Variants in UGP2 observed in about 807,000 individuals in gnomAD.
UGP2 encodes the protein UTP--glucose-1-phosphate uridylyltransferase.
In UGP2, 40 loss-of-function variants were observed where a neutral mutation model predicts 49.0. That is an observed-to-expected ratio of 0.82 (90% CI 0.63 to 1.06). The LOEUF is 1.06. UGP2 is among the 50% of genes least tolerant of loss of function. The pLI, the probability that UGP2 is intolerant of heterozygous loss-of-function variation, is 0.00. For synonymous variants in UGP2, 225 were observed against 213.0 expected (o/e 1.06, Z -0.49); for missense variants, 460 against 603.5 (o/e 0.76, Z 2.49).
chr2:63,845,545 G>T (rs924222820), intron 1 of UGP2, among the ~76,000 whole-genome samples: 1 of 151,622 alleles, frequency 6.6e-6, no homozygotes, highest in African/African-American at 2.4e-5. Context: ...AAGTGCCGGG[G>T]TGGGGCAAGG....
chr2:63,866,720 T>C (rs542191126), intron 3 of UGP2, among the ~76,000 whole-genome samples: 103 of 152,214 alleles, frequency 6.8e-4, no homozygotes, highest in African/African-American at 2.3e-3. Flanking sequence ...AGGTGGGAAA[T>C]GAGGGTAGGC....
At chr2:63,874,881 C>T (rs537279645) in intron 3 of UGP2, among the ~76,000 whole-genome samples, 98 of 152,066 alleles carry the variant, frequency 6.4e-4, no homozygotes, top group Non-Finnish European at 7.5e-4. Context: ...TGGAAGATTC[C>T]GGAGGTGCTC....
At chr2:63,853,171 T>C (rs757376313) in intron 1 of UGP2, among the ~76,000 whole-genome samples, 11 of 152,020 alleles carry the variant, frequency 7.2e-5, no homozygotes, top group Admixed American at 3.9e-4. Context: ...AGAAAAGATA[T>C]AGGATACACT....
intron 3 of UGP2, chr2:63,862,768 A>G (rs1362329583): frequency 4.4e-6 from 2 of 454,048 alleles, no homozygotes; most frequent in Non-Finnish European, 8.8e-6. Flanking sequence ...TCCAATTCCA[A>G]TTTCCACCCC....
intron 1 of UGP2, 190 bp downstream of exon 1, chr2:63,842,394 G>T: frequency 1.3e-6 from 2 of 1,594,060 alleles, no homozygotes; most frequent in Non-Finnish European, 8.5e-7. Flanking sequence ...TATAATTTAT[G>T]CTCCTGTACC....
intron 1 of UGP2, among the ~76,000 whole-genome samples, chr2:63,848,390 G>A (rs1473762273): frequency 6.6e-6 from 1 of 152,176 alleles, no homozygotes; most frequent in African/African-American, 2.4e-5. Flanking sequence ...TTGAGACGGA[G>A]TCTTGCTCTG....
chr2:63,882,545 A>T lies in UGP2; in HGVS notation c.335A>T (p.Lys112Ile). The T allele has an allele frequency of 6.2e-7, 1 of 1,613,426 alleles. No homozygotes were observed. The highest frequency in any genetic ancestry group is 8.5e-7 in the Non-Finnish European group (1 of 1,179,482). Residue 112 changes from lysine to isoleucine, a missense_variant, in exon 4 of 10, where the codon AAA becomes ATA. By Grantham distance (102) the Lys-to-Ile change is moderately radical. This residue lies in a region of UGP2 where 143 missense variants were observed against 130.4 expected (regional missense o/e 1.10). Transcript: ENST00000337130. ...GTGTTGAACAAACTAGTGGTGGTGA[A>T]ACTCAATGGTGGTTTGGGAACCAGC... ...SSVLNKLVVVKLNGGLGTSMG... is the reference protein window; with the variant it reads ...SSVLNKLVVVILNGGLGTSMG...
intron 3 of UGP2, among the ~76,000 whole-genome samples, chr2:63,866,985 T>A (rs151215249): frequency 6.6e-6 from 1 of 152,238 alleles, no homozygotes; most frequent in African/African-American, 2.4e-5. Flanking sequence ...TTTACCTGTT[T>A]TTAAATTTTT....
intron 3 of UGP2, among the ~76,000 whole-genome samples, chr2:63,878,707 G>T (rs1011006330): frequency 6.6e-6 from 1 of 152,114 alleles, no homozygotes; most frequent in African/African-American, 2.4e-5. Context: ...GGGACTATAG[G>T]TGTGCACCAC....
chr2:63,851,754 A>G (rs140422888), intron 1 of UGP2, among the ~76,000 whole-genome samples: 1 of 152,300 alleles, frequency 6.6e-6, no homozygotes, highest in Non-Finnish European at 1.5e-5. Context: ...TTGGCTTTCA[A>G]AAATGAGGGT....
intron 3 of UGP2, among the ~76,000 whole-genome samples, chr2:63,870,294 T>C (rs917918722): frequency 2.6e-5 from 4 of 152,214 alleles, no homozygotes; most frequent in African/African-American, 9.6e-5. Flanking sequence ...GTACTTGATC[T>C]GATAGTTTGC....
intron 1 of UGP2, among the ~76,000 whole-genome samples, chr2:63,854,014 G>A (rs749003250): frequency 1.4e-4 from 21 of 152,144 alleles, no homozygotes; most frequent in Admixed American, 1.2e-3. Flanking sequence ...GGAGGAGAGT[G>A]TGGTATTTAG....
rs774619116 is a variant in UGP2, at chr2:63,856,442, G to A, written c.147+9G>A. ...CATCACATGAATTTGAGGTAAGGAG[G>A]TTTCTACAGTGTTCCACCCCCCCGC... On this transcript the variant is annotated intron_variant, in intron 2 of 9. Coordinates refer to ENST00000337130, the MANE Select transcript of UGP2 (RefSeq NM_006759.4). 12 of 1,607,844 alleles carry A rather than the reference G, an allele frequency of 7.5e-6. No individual in the cohort carries two copies. The highest frequency in any genetic ancestry group is 1.0e-5 in the Non-Finnish European group (12 of 1,179,322).
At chr2:63,849,493 T>C (rs1164777491) in intron 1 of UGP2, among the ~76,000 whole-genome samples, 2 of 152,230 alleles carry the variant, frequency 1.3e-5, no homozygotes, top group African/African-American at 2.4e-5. Context: ...GCCTTGGTAA[T>C]AAAATATTTA....
intron 3 of UGP2, among the ~76,000 whole-genome samples, chr2:63,858,636 A>G (rs1158696437): frequency 6.6e-6 from 1 of 152,116 alleles, no homozygotes; most frequent in Non-Finnish European, 1.5e-5. Context: ...AACAGTTACA[A>G]TATGCATTTT....
intron 1 of UGP2, among the ~76,000 whole-genome samples, chr2:63,849,369 AT>A (rs1166089674): frequency 6.6e-6 from 1 of 152,162 alleles, no homozygotes; most frequent in African/African-American, 2.4e-5. Context: ...GTAATATTTC[AT>A]TTGTGTTATA....
At chr2:63,860,440 C>T (rs1023343359) in intron 3 of UGP2, among the ~76,000 whole-genome samples, 1 of 152,100 alleles carries the variant, frequency 6.6e-6, no homozygotes, top group African/African-American at 2.4e-5. Flanking sequence ...TGTAACAAAA[C>T]CTGAAATACT....
intron 3 of UGP2, among the ~76,000 whole-genome samples, chr2:63,861,859 G>A (rs1407955272): frequency 6.6e-6 from 1 of 151,924 alleles, no homozygotes; most frequent in East Asian, 1.9e-4. Flanking sequence ...TGGATTTTTT[G>A]TTTTGTTCCA....
chr2:63,886,408 A>G lies in UGP2; in HGVS notation c.941A>G (p.His314Arg), dbSNP rs1307501598. The change falls in exon 7 of 10, where the codon CAT becomes CGT. Residue 314 changes from histidine to arginine, a missense_variant. By Grantham distance (29) the His-to-Arg change is conservative. Around this residue, in one of 2 missense-constraint regions of UGP2, gnomAD observed 317 missense variants for 473.0 expected, o/e 0.67. Transcript: ENST00000337130. Reference sequence around the variant, plus strand: ...GAAATTGCTCAAGTGCCAAAAGCACATGTAGACGAGTTCAAGTCTGTATCA... The same window carrying G: ...GAAATTGCTCAAGTGCCAAAAGCACGTGTAGACGAGTTCAAGTCTGTATCA... Reference protein sequence around the residue: ...LVEIAQVPKAHVDEFKSVSKF... With the variant: ...LVEIAQVPKARVDEFKSVSKF... The G allele has an allele frequency of 2.5e-6, 4 of 1,614,230 alleles. No individual in the cohort carries two copies. Among genetic ancestry groups the G allele is most frequent in the Non-Finnish European group, 3.4e-6 (4 of 1,180,036 alleles).
Sources: gnomAD v4.1 joint callset for allele counts (sites outside exome capture counted in the v4.1 genomes callset) on GRCh38, gnomAD v4.1.1 for gene constraint, gnomAD v4.1.1 regional missense constraint, MANE v1.5 for transcripts, NCBI Gene and HGNC (gene_info 2026-07-23, HGNC 2026-07-21) for gene names.